ARID1B: variants seen among roughly 807,000 people sequenced by gnomAD.
ARID1B encodes the protein AT-rich interaction domain 1B.
In ARID1B, 30 loss-of-function variants were observed where a neutral mutation model predicts 212.3. The ratio of observed to expected loss-of-function variants is 0.14; its 90% CI spans 0.11 to 0.19. The LOEUF (loss-of-function observed/expected upper bound fraction) is 0.19, where lower values mean the gene tolerates loss of function less well. ARID1B is among the 10% of genes least tolerant of loss of function. ARID1B has a pLI of 1.00. For synonymous variants in ARID1B, 1,402 were observed against 1,301.7 expected, an observed-to-expected ratio of 1.08 and a Z score of -1.66; for missense variants, 2,891 against 3,204.0, an observed-to-expected ratio of 0.90 and a Z score of 2.36.
At chr6:156,878,489 T>C (rs918933476) in intron 2 of ARID1B, among the ~76,000 whole-genome samples, 1 of 152,196 alleles carries the variant, frequency 6.6e-6, no homozygotes, top group Non-Finnish European at 1.5e-5. Flanking sequence ...AAATTGGGTA[T>C]TGCTGTGTGT....
intron 5 of ARID1B, among the ~76,000 whole-genome samples, chr6:157,099,636 C>T (rs1051774620): frequency 1.3e-5 from 2 of 152,188 alleles, no homozygotes; most frequent in Admixed American, 6.5e-5. Flanking sequence ...ACATAATTCA[C>T]ATAGACCACA....
chr6:156,973,940 C>G (rs1000402199), intron 4 of ARID1B, among the ~76,000 whole-genome samples: 10 of 152,160 alleles, frequency 6.6e-5, no homozygotes, highest in South Asian at 2.1e-4. Context: ...TGTCTGAAAA[C>G]TTTTTCCTTG....
At chr6:157,121,314 AC>A (rs887482131) in intron 6 of ARID1B, among the ~76,000 whole-genome samples, 1 of 152,140 alleles carries the variant, frequency 6.6e-6, no homozygotes, top group African/African-American at 2.4e-5. Context: ...GAGCTTCATC[AC>A]TGTTTCCTTT....
chr6:157,141,673 C>T (rs1468002052), intron 7 of ARID1B, among the ~76,000 whole-genome samples: 5 of 152,110 alleles, frequency 3.3e-5, no homozygotes, highest in Non-Finnish European at 7.4e-5. Flanking sequence ...ATATGATAAC[C>T]AGCAAATAAA....
chr6:157,107,053 T>C (rs932209349), intron 5 of ARID1B, among the ~76,000 whole-genome samples: 3 of 152,234 alleles, frequency 2.0e-5, no homozygotes, highest in African/African-American at 7.2e-5. Flanking sequence ...AAATAGATTG[T>C]ACTGAGAAGG....
At chr6:156,969,994 G>A (rs1312315056) in intron 4 of ARID1B, among the ~76,000 whole-genome samples, 2 of 150,056 alleles carry the variant, frequency 1.3e-5, no homozygotes, top group Non-Finnish European at 3.0e-5. Flanking sequence ...GTGTCAATTA[G>A]TGAACTGTAG....
Position 157,201,342 on chromosome 6 carries a change from T to C in ARID1B, c.5117T>C (p.Val1706Ala), listed in dbSNP as rs2128376046. The change falls in exon 18 of 20, where the codon GTC becomes GCC. Residue 1706 changes from valine (V) to alanine (A), a missense_variant. By Grantham distance (64) the Val-to-Ala change is moderately conservative. This residue lies in a region of ARID1B where 666 missense variants were observed against 873.5 expected (regional missense o/e 0.76). Transcript: ENST00000636930. The surrounding 1 kb of genome is among the most constrained non-coding windows in gnomAD (Gnocchi z 5.2). Reference sequence around the variant, plus strand: ...CTGCCGTCTATGAAGATGCAGAAGGTCATGCCCACGGTCCCCACATCCCAG... The same window carrying C: ...CTGCCGTCTATGAAGATGCAGAAGGCCATGCCCACGGTCCCCACATCCCAG... Reference protein sequence around the residue: ...PFLPSMKMQKVMPTVPTSQVT... With the variant: ...PFLPSMKMQKAMPTVPTSQVT... 1.2e-6 allele frequency: 2 copies of C among 1,613,780 alleles called. No individual in the cohort carries two copies. The highest frequency in any genetic ancestry group is 1.7e-6 in the Non-Finnish European group (2 of 1,179,858).
At chr6:157,194,508 A>G (rs1445333486) in intron 15 of ARID1B, 1 of 152,254 alleles carries the variant, frequency 6.6e-6, no homozygotes, top group Non-Finnish European at 1.5e-5. Context: ...ATGAAAATTT[A>G]TATTAAAATG....
chr6:156,863,943 A>G (rs1785508289), intron 2 of ARID1B, among the ~76,000 whole-genome samples: 1 of 152,200 alleles, frequency 6.6e-6, no homozygotes, highest in African/African-American at 2.4e-5. Context: ...CTTGGGCCTC[A>G]CTAGTTCGAA....
At chr6:156,908,055 AC>A (rs1019859310) in intron 3 of ARID1B, among the ~76,000 whole-genome samples, 3 of 151,750 alleles carry the variant, frequency 2.0e-5, no homozygotes, top group Non-Finnish European at 4.4e-5. Context: ...CTTTTGTCTT[AC>A]CCCTGATTTT....
At chr6:157,145,436 G>GT (rs1562300000) in intron 7 of ARID1B, among the ~76,000 whole-genome samples, 1 of 152,146 alleles carries the variant, frequency 6.6e-6, no homozygotes, top group Non-Finnish European at 1.5e-5. Flanking sequence ...GACAAAAAGC[G>GT]TGCCTGCCCA....
Position 156,810,972 on chromosome 6 carries a change from C to T in ARID1B, c.1792-18255C>T, listed in dbSNP as rs554845338. Among the ~76,000 whole-genome samples, 7 of 152,212 alleles carry T rather than the reference C, an allele frequency of 4.6e-5. No individual in the cohort carries two copies. The East Asian group carries it at 1.4e-3, about 29-fold the overall frequency. On this transcript the variant is annotated intron_variant, in intron 1 of 19. Coordinates refer to ENST00000636930, the MANE Select transcript of ARID1B (RefSeq NM_001374828.1). ...TTAGCTGCCATACTCTGCTTGGGGT[C>T]GTAGAGGCTGTAATCCAGGTGTCAG...
At chr6:157,007,726 GTTT>G (rs34711541) in intron 4 of ARID1B, among the ~76,000 whole-genome samples, 1 of 138,426 alleles carries the variant, frequency 7.2e-6, no homozygotes, top group African/African-American at 2.7e-5. Context: ...GCCCTAAGTT[GTTT>G]TTTTTTTTTT....
At chr6:157,004,897 CTTTTTTTTTTTTTTTTTTT>C (rs1177807875) in intron 4 of ARID1B, among the ~76,000 whole-genome samples, 2 of 54,740 alleles carry the variant, frequency 3.7e-5, no homozygotes, top group Non-Finnish European at 7.3e-5. Context: ...CTTCTTTTTT[CTTTTTTTTTTTTTTTTTTT>C]TTTTTTTTTT....
intron 2 of ARID1B, among the ~76,000 whole-genome samples, chr6:156,832,672 T>C (rs1456947432): frequency 2.0e-5 from 3 of 152,304 alleles, no homozygotes; most frequent in Middle Eastern, 3.4e-3. Flanking sequence ...TCCTGTGATA[T>C]GAATTTTAAA....
intron 4 of ARID1B, among the ~76,000 whole-genome samples, chr6:157,060,284 G>A (rs1490720575): frequency 6.6e-6 from 1 of 152,204 alleles, no homozygotes; most frequent in East Asian, 1.9e-4. Flanking sequence ...AAAGCAGAGA[G>A]TGTTCAATTT....
intron 4 of ARID1B, among the ~76,000 whole-genome samples, chr6:157,045,233 A>G (rs1044295347): frequency 1.3e-5 from 2 of 152,204 alleles, no homozygotes; most frequent in Admixed American, 1.3e-4. Context: ...GTGATGGGTC[A>G]TTAATTCATT....
intron 1 of ARID1B, among the ~76,000 whole-genome samples, chr6:156,794,217 A>G (rs187681212): frequency 1.3e-3 from 202 of 152,180 alleles, no homozygotes; most frequent in Non-Finnish European, 2.3e-3. Flanking sequence ...CTTTTTTGTT[A>G]TTGCTAAGAC....
chr6:157,039,747 T>TC (rs1781689979), intron 4 of ARID1B, among the ~76,000 whole-genome samples: 13 of 110,490 alleles, frequency 1.2e-4, no homozygotes, highest in Admixed American at 1.7e-4. Context: ...CTCCCTCCCT[T>TC]CCTTCCTTCC....
Sources: gnomAD v4.1 joint callset for allele counts (sites outside exome capture counted in the v4.1 genomes callset) on GRCh38, gnomAD v4.1.1 for gene constraint, gnomAD v4.1.1 regional missense constraint, Gnocchi (gnomAD v3.1) non-coding constraint, MANE v1.5 for transcripts, NCBI Gene and HGNC (gene_info 2026-07-23, HGNC 2026-07-21) for gene names.